Variants in CACNB2 observed in about 807,000 individuals in gnomAD.
CACNB2 encodes voltage-dependent L-type calcium channel subunit beta-2.
A neutral mutation model predicts 73.3 loss-of-function variants in CACNB2; 42 were observed. The ratio of observed to expected loss-of-function variants is 0.57; its 90% confidence interval spans 0.45 to 0.74. The LOEUF is 0.74. Among genes scored for constraint, CACNB2 ranks in the 30% least tolerant of loss-of-function variants. The pLI is 0.00. For synonymous variants in CACNB2, 348 were observed against 310.3 expected, an observed-to-expected ratio of 1.12 and a Z score of -1.28; for missense variants, 940 against 853.0, an observed-to-expected ratio of 1.10 and a Z score of -1.27.
At chr10:18,458,763 C>CTTT (rs371122031) in intron 3 of CACNB2, among the ~76,000 whole-genome samples, 30 of 122,620 alleles carry the variant, frequency 2.4e-4, no homozygotes, top group Non-Finnish European at 3.7e-4. Context: ...GTAAGGTGAA[C>CTTT]TTTTTTTTTT....
intron 2 of CACNB2, among the ~76,000 whole-genome samples, chr10:18,238,106 G>A (rs2036518241): frequency 6.6e-6 from 1 of 152,182 alleles, no homozygotes; most frequent in African/African-American, 2.4e-5. Flanking sequence ...GAACTATGAA[G>A]GCTCTTTTCT....
intron 2 of CACNB2, among the ~76,000 whole-genome samples, chr10:18,182,953 A>G (rs2033964029): frequency 6.6e-6 from 1 of 152,122 alleles, no homozygotes; most frequent in Non-Finnish European, 1.5e-5. Flanking sequence ...TATTACATAC[A>G]TATACAATAG....
chr10:18,492,632 A>AAAG (rs1554830130), intron 3 of CACNB2, among the ~76,000 whole-genome samples: 4 of 136,350 alleles, frequency 2.9e-5, no homozygotes, highest in East Asian at 2.0e-4. Context: ...AAAAAAAAAA[A>AAAG]AAAAAAGAAA....
intron 2 of CACNB2, chr10:18,261,059 A>C: frequency 2.2e-6 from 3 of 1,350,316 alleles, no homozygotes; most frequent in Non-Finnish European, 1.9e-6. Flanking sequence ...CACCCCCAAA[A>C]AAAGACAAAC....
chr10:18,532,058 T>C (rs1209967013), intron 10 of CACNB2: 1 of 152,220 alleles, frequency 6.6e-6, no homozygotes, highest in Non-Finnish European at 1.5e-5. Context: ...TGATATACTC[T>C]GTCAAAGGAA....
rs992393946 is a variant in CACNB2, at chr10:18,290,112, C to CTTTTTTTT, written c.214-111792_214-111785dup. On this transcript the variant is annotated intron_variant, in intron 2 of 13. Coordinates refer to ENST00000324631, the MANE Select transcript of CACNB2 (RefSeq NM_201596.3). ...TAAAGTTTTTTTCTTTTTTCTTTTT[C>CTTTTTTTT]TTTTTTTTTTTTTTTTTTTTTTTTT... Among the ~76,000 whole-genome samples the CTTTTTTTT allele has an allele frequency of 5.5e-3, 275 of 50,168 alleles. 6 individuals are homozygous for CTTTTTTTT. The highest frequency in any genetic ancestry group is 0.023 in the Middle Eastern group (1 of 44). 32.9% of individuals were successfully genotyped at this position (50,168 alleles called of 152,430 possible).
chr10:18,302,450 T>C (rs544688664), intron 2 of CACNB2, among the ~76,000 whole-genome samples: 1 of 152,266 alleles, frequency 6.6e-6, no homozygotes, highest in South Asian at 2.1e-4. Context: ...CCAACCCAAA[T>C]GCCCATCAAT....
intron 12 of CACNB2, among the ~76,000 whole-genome samples, chr10:18,537,133 A>G (rs1307129728): frequency 6.6e-6 from 1 of 151,988 alleles, no homozygotes; most frequent in East Asian, 2.0e-4. Flanking sequence ...GACTACAGGC[A>G]AACGCCACCA....
chr10:18,310,155 G>C (rs1198769688), intron 2 of CACNB2, among the ~76,000 whole-genome samples: 1 of 151,826 alleles, frequency 6.6e-6, no homozygotes, highest in Non-Finnish European at 1.5e-5. Context: ...TTTCAGCAAT[G>C]TTTTAAAACT....
intron 2 of CACNB2, among the ~76,000 whole-genome samples, chr10:18,326,182 AT>A (rs753469764): frequency 4.7e-4 from 48 of 101,560 alleles, no homozygotes; most frequent in Non-Finnish European, 8.5e-4. Context: ...ACAGAAAAAA[AT>A]AAAGCAGTTT....
chr10:18,480,343 C>G (rs574434915), intron 3 of CACNB2, among the ~76,000 whole-genome samples: 4 of 152,168 alleles, frequency 2.6e-5, no homozygotes, highest in African/African-American at 9.6e-5. Context: ...TACTAACAGA[C>G]TGATTCTCCT....
chr10:18,430,652 A>T (rs2045846274), intron 3 of CACNB2, among the ~76,000 whole-genome samples: 1 of 152,168 alleles, frequency 6.6e-6, no homozygotes, highest in South Asian at 2.1e-4. Flanking sequence ...AATCAGTAGT[A>T]AAGTTATCTC....
intron 2 of CACNB2, among the ~76,000 whole-genome samples, chr10:18,384,159 T>A (rs1231711318): frequency 6.6e-6 from 1 of 152,162 alleles, no homozygotes; most frequent in Non-Finnish European, 1.5e-5. Context: ...GTAGAGTCAG[T>A]ACTGAGACTC....
intron 2 of CACNB2, among the ~76,000 whole-genome samples, chr10:18,170,474 G>T (rs1006124874): frequency 1.6e-4 from 25 of 152,204 alleles, no homozygotes; most frequent in African/African-American, 5.8e-4. Context: ...GAGTGAGTCT[G>T]TGAAAATATA....
chr10:18,536,275 G>GTTTTTTTTTTTTTTTATTTTTTTTTTTT (rs2053587888), intron 12 of CACNB2, 79 bp downstream of exon 12: 1 of 92,504 alleles, frequency 1.1e-5, no homozygotes, highest in Non-Finnish European at 1.7e-5. Flanking sequence ...TTTTTTTTTG[G>GTTTTTTTTTTTTTTTATTTTTTTTTTTT]GGGACAAGGT....
chr10:18,309,974 G>C (rs889433822), intron 2 of CACNB2, among the ~76,000 whole-genome samples: 1 of 152,146 alleles, frequency 6.6e-6, no homozygotes, highest in African/African-American at 2.4e-5. Flanking sequence ...TCTGATACCA[G>C]TTATTTGAAG....
At chr10:18,529,818 T>TC (rs1245005219) in intron 10 of CACNB2, among the ~76,000 whole-genome samples, 1 of 152,202 alleles carries the variant, frequency 6.6e-6, no homozygotes, top group Non-Finnish European at 1.5e-5. Context: ...TCCTTATCTA[T>TC]CACACTTAAA....
chr10:18,189,923 C>T (rs564973545), intron 2 of CACNB2, among the ~76,000 whole-genome samples: 36 of 152,226 alleles, frequency 2.4e-4, no homozygotes, highest in African/African-American at 8.4e-4. Context: ...TTCCCGACAC[C>T]CTGGGCACCT....
At chr10:18,186,863 A>ATC (rs890893935) in intron 2 of CACNB2, among the ~76,000 whole-genome samples, 4 of 152,208 alleles carry the variant, frequency 2.6e-5, no homozygotes, top group Non-Finnish European at 5.9e-5. Context: ...TTCAAATAAA[A>ATC]TCAGTCAATA....
Sources: gnomAD v4.1 joint callset for allele counts (sites outside exome capture counted in the v4.1 genomes callset) on GRCh38, gnomAD v4.1.1 for gene constraint, MANE v1.5 for transcripts, NCBI Gene and HGNC (gene_info 2026-07-23, HGNC 2026-07-21) for gene names.